ATF7IP: variants seen among roughly 807,000 people sequenced by gnomAD.
ATF7IP encodes the protein activating transcription factor 7 interacting protein.
Under a neutral mutation model 106.4 loss-of-function variants are expected in ATF7IP, and 23 were observed. The observed-to-expected ratio is 0.22, with a 90% CI of 0.16 to 0.31. The LOEUF is 0.31. ATF7IP is among the 10% of genes least tolerant of loss of function. The pLI is 1.00. For synonymous variants in ATF7IP, 542 were observed against 539.0 expected, an observed-to-expected ratio of 1.01 and a Z score of -0.08; for missense variants, 1,334 against 1,524.3, an observed-to-expected ratio of 0.88 and a Z score of 2.08.
At position 14,445,793 on chromosome 12, in the gene ATF7IP, A is replaced by T. The variant is rs147642057; in HGVS notation, c.1930-1195A>T. On this transcript the variant is annotated intron_variant, in intron 5 of 14. Transcript: ENST00000261168. ...TTTATGAAATGTATGCCCTTATTGGATAAAATAAATTCTCTGGCAGAGCTC... is the reference window on the plus strand; with the variant it reads ...TTTATGAAATGTATGCCCTTATTGGTTAAAATAAATTCTCTGGCAGAGCTC... Among the ~76,000 whole-genome samples, 6 of 152,314 alleles carry T rather than the reference A, an allele frequency of 3.9e-5. No homozygotes were observed. In the East Asian group the frequency reaches 1.2e-3, roughly 29 times the overall value.
chr12:14,494,307 A>ATATATATG (rs1944929302), intron 13 of ATF7IP, among the ~76,000 whole-genome samples: 1 of 88,396 alleles, frequency 1.1e-5, no homozygotes, highest in South Asian at 3.0e-4. Context: ...ATATATATAT[A>ATATATATG]TATATATATA....
In ATF7IP at chr12:14,472,044, G is replaced by T. The variant is rs150222373; in HGVS notation, c.2863-3846G>T. Among the ~76,000 whole-genome samples the T allele has an allele frequency of 8.6e-3, 1,310 of 152,242 alleles. 12 individuals carry two copies. Among genetic ancestry groups the T allele is most frequent in the African/African-American group, 0.028 (1,158 of 41,554 alleles). On this transcript the variant is annotated intron_variant, in intron 10 of 14. Transcript: ENST00000261168. ...TGTATTAAAAGCCTTTAGAATAAAA[G>T]TATCTATCCATATTTATTTTTTAAA...
intron 1 of ATF7IP, among the ~76,000 whole-genome samples, chr12:14,368,845 T>A (rs114580195): frequency 8.2e-4 from 125 of 152,224 alleles, no homozygotes; most frequent in African/African-American, 2.9e-3. Context: ...GGCTTTGGGG[T>A]CCTTAGCTTT....
intron 5 of ATF7IP, among the ~76,000 whole-genome samples, chr12:14,443,141 C>T (rs1229745213): frequency 6.6e-6 from 1 of 151,754 alleles, no homozygotes; most frequent in African/African-American, 2.4e-5. Flanking sequence ...GGCAACAGAG[C>T]AAGACTCTGT....
Position 14,461,033 on chromosome 12 carries a change from T to G in ATF7IP, c.2697T>G (p.Ser899Arg). 1 of 1,614,102 alleles carries G rather than the reference T, an allele frequency of 6.2e-7. No individual in the cohort carries two copies. Among genetic ancestry groups the G allele is most frequent in the Non-Finnish European group, 8.5e-7 (1 of 1,180,006 alleles). ...LPTVGPSGLYSPSTNRGPIQM... is the reference protein window; with the variant it reads ...LPTVGPSGLYRPSTNRGPIQM... ...CAGTGGGCCCATCAGGACTCTATAG[T>G]CCATCAACTAATCGAGGTCCTATAC... is the stretch of plus-strand genomic sequence containing the variant. Residue 899 changes from serine (S) to arginine (R), a missense_variant, in exon 9 of 15, where the codon AGT becomes AGG. Ser to Arg is a moderately radical substitution (Grantham distance 110, BLOSUM62 -1). This residue lies in a region of ATF7IP where 370 missense variants were observed against 401.2 expected (regional missense o/e 0.92). Coordinates refer to ENST00000261168, the MANE Select transcript of ATF7IP (RefSeq NM_018179.5).
At chr12:14,457,691 C>T (rs1565528947) in intron 8 of ATF7IP, among the ~76,000 whole-genome samples, 4 of 152,108 alleles carry the variant, frequency 2.6e-5, no homozygotes, top group Non-Finnish European at 5.9e-5. Context: ...TTATTAAGAA[C>T]CCCAGAACTT....
intron 13 of ATF7IP, among the ~76,000 whole-genome samples, chr12:14,490,142 A>G (rs570266336): frequency 4.6e-5 from 7 of 152,286 alleles, no homozygotes; most frequent in South Asian, 4.1e-4. Context: ...CATCACCTCC[A>G]TTACTGCCAC....
chr12:14,380,536 A>G (rs1210600660), intron 1 of ATF7IP, among the ~76,000 whole-genome samples: 1 of 152,194 alleles, frequency 6.6e-6, no homozygotes, highest in Non-Finnish European at 1.5e-5. Flanking sequence ...GATTGCCAGC[A>G]CTCTGGGAGA....
At chr12:14,436,688 T>C (rs1430331427) in intron 4 of ATF7IP, among the ~76,000 whole-genome samples, 1 of 151,968 alleles carries the variant, frequency 6.6e-6, no homozygotes, top group Non-Finnish European at 1.5e-5. Flanking sequence ...CAAGACTCCA[T>C]CTCAAAAAAA....
At chr12:14,439,315 G>A (rs1942581188) in intron 5 of ATF7IP, among the ~76,000 whole-genome samples, 1 of 152,162 alleles carries the variant, frequency 6.6e-6, no homozygotes, top group Admixed American at 6.6e-5. Flanking sequence ...GTGGCCCATG[G>A]AAGTCAAATC....
At chr12:14,379,158 C>G (rs1463761931) in intron 1 of ATF7IP, among the ~76,000 whole-genome samples, 3 of 152,132 alleles carry the variant, frequency 2.0e-5, no homozygotes, top group Non-Finnish European at 4.4e-5. Context: ...AGCACCATCC[C>G]CCTTGGTACT....
At chr12:14,473,505 G>A (rs186008899) in intron 10 of ATF7IP, among the ~76,000 whole-genome samples, 7 of 152,074 alleles carry the variant, frequency 4.6e-5, no homozygotes, top group Middle Eastern at 3.4e-3. Flanking sequence ...TAATCTTCAT[G>A]TTGTAGATCT....
chr12:14,488,113 T>C (rs1481716012), intron 13 of ATF7IP, among the ~76,000 whole-genome samples: 1 of 152,042 alleles, frequency 6.6e-6, no homozygotes, highest in Non-Finnish European at 1.5e-5. Context: ...TCCTTAATAT[T>C]CGGTTCTTCT....
At chr12:14,457,150 T>C in intron 7 of ATF7IP, 57 bp from the exon 8 acceptor site, 1 of 1,407,998 alleles carries the variant, frequency 7.1e-7, no homozygotes, top group Non-Finnish European at 1.0e-6. Context: ...TAGATATCAG[T>C]TGGTATTCCC....
At position 14,498,547 on chromosome 12, in the gene ATF7IP, A is replaced by G. The variant is rs932094901; in HGVS notation, c.*474A>G. 1 of 154,184 alleles carries G rather than the reference A, an allele frequency of 6.5e-6. No homozygotes were observed. Among genetic ancestry groups the G allele is most frequent in the East Asian group, 1.9e-4 (1 of 5,218 alleles). The allele number at this position is 154,184 out of a possible 1,614,324, so 9.6% of individuals were successfully genotyped here. ...CAAAACCCAAAGAAATAAATAAAAA[A>G]CAAAATGGCTAAATAGTTTAAAATA... On this transcript the variant is annotated 3_prime_UTR_variant, in exon 15 of 15. Coordinates refer to ENST00000261168, the MANE Select transcript of ATF7IP (RefSeq NM_018179.5).
intron 10 of ATF7IP, among the ~76,000 whole-genome samples, chr12:14,467,776 A>G (rs1204112541): frequency 2.0e-5 from 3 of 151,870 alleles, no homozygotes; most frequent in East Asian, 3.9e-4. Context: ...GAGCTGTGCT[A>G]TCTAATATGA....
At chr12:14,447,870 A>G (rs1943046983) in intron 6 of ATF7IP, among the ~76,000 whole-genome samples, 1 of 152,230 alleles carries the variant, frequency 6.6e-6, no homozygotes, top group East Asian at 1.9e-4. Context: ...TTTAAAGTAT[A>G]CAATTAAGTC....
At chr12:14,392,531 C>G (rs1010326196) in intron 1 of ATF7IP, among the ~76,000 whole-genome samples, 3 of 152,298 alleles carry the variant, frequency 2.0e-5, no homozygotes, top group African/African-American at 7.2e-5. Context: ...TTATTATGCA[C>G]CTATTATTTG....
chr12:14,402,127 C>CTTTTTTTTTTTTTTTTTTTTTTTTT (rs11297116), intron 1 of ATF7IP, among the ~76,000 whole-genome samples: 1 of 101,874 alleles, frequency 9.8e-6, no homozygotes, highest in Non-Finnish European at 1.9e-5. Flanking sequence ...TTTCTTCTTT[C>CTTTTTTTTTTTTTTTTTTTTTTTTT]TTTTTTTTTT....
Sources: gnomAD v4.1 joint callset for allele counts (sites outside exome capture counted in the v4.1 genomes callset) on GRCh38, gnomAD v4.1.1 for gene constraint, gnomAD v4.1.1 regional missense constraint, MANE v1.5 for transcripts, NCBI Gene and HGNC (gene_info 2026-07-23, HGNC 2026-07-21) for gene names.